Variants in YES1 observed in about 807,000 individuals in gnomAD.
YES1 encodes tyrosine-protein kinase Yes.
YES1 carries 39 observed loss-of-function variants against 70.4 expected under a neutral mutation model. The observed-to-expected ratio is 0.55, with a 90% confidence interval of 0.43 to 0.72. The LOEUF (loss-of-function observed/expected upper bound fraction) is 0.72. YES1 is among the 30% of genes least tolerant of loss of function. The probability of loss-of-function intolerance (pLI) is 0.00; values close to 1 mark genes in which losing one functional copy is unlikely to be tolerated. For synonymous variants in YES1, 198 were observed against 218.6 expected (o/e 0.91, Z 0.83); for missense variants, 495 against 644.8 (o/e 0.77, Z 2.52).
At chr18:792,869 A>T (rs188033345) in intron 1 of YES1, among the ~76,000 whole-genome samples, 19 of 150,722 alleles carry the variant, frequency 1.3e-4, no homozygotes, top group Non-Finnish European at 2.5e-4. Context: ...AAGGGGGGGG[A>T]AAAAGCTTAA....
chr18:745,933 T>C lies in YES1; in HGVS notation c.574+15A>G, dbSNP rs140732624. 0.01 allele frequency: 16,358 copies of C among 1,604,248 alleles called. 151 individuals are homozygous for C. The highest frequency in any genetic ancestry group is 0.029 in the South Asian group (2,604 of 89,704). On this transcript the variant is annotated intron_variant, in intron 5 of 11. Transcript: ENST00000314574. Reference sequence around the variant, plus strand: ...AAGAAATTTTATACTTATACTAATATAACAATATTCATACCTTTAGTTGTT... The same window carrying C: ...AAGAAATTTTATACTTATACTAATACAACAATATTCATACCTTTAGTTGTT...
In YES1 at chr18:747,902, T is replaced by C. The variant is rs774160138; in HGVS notation, c.470+18A>G. The C allele has an allele frequency of 1.2e-6, 2 of 1,606,078 alleles. No individual in the cohort carries two copies. Among genetic ancestry groups the C allele is most frequent in the South Asian group, 2.2e-5 (2 of 90,192 alleles). ...TCAAAAATCAAAATAATTAATAAAA[T>C]ATGAAGTAGTGCCATACTCTTCTGC... On this transcript the variant is annotated intron_variant, in intron 4 of 11. Transcript: ENST00000314574.
At chr18:807,925 C>T (rs187164491) in intron 1 of YES1, among the ~76,000 whole-genome samples, 10 of 152,276 alleles carry the variant, frequency 6.6e-5, no homozygotes, top group Admixed American at 6.5e-4. Flanking sequence ...TATAATGCTT[C>T]AAGGAACCTG....
At chr18:767,792 C>T (rs976914365) in intron 1 of YES1, among the ~76,000 whole-genome samples, 3 of 152,094 alleles carry the variant, frequency 2.0e-5, no homozygotes, top group Non-Finnish European at 4.4e-5. Flanking sequence ...CCTCCATCTC[C>T]TGGGTTCAAG....
At chr18:793,496 C>G (rs911045036) in intron 1 of YES1, among the ~76,000 whole-genome samples, 1 of 151,954 alleles carries the variant, frequency 6.6e-6, no homozygotes, top group African/African-American at 2.4e-5. Context: ...GCCACTACAC[C>G]CAACTAATTT....
chr18:741,631 C>T (rs373425458), intron 8 of YES1, among the ~76,000 whole-genome samples: 73 of 152,078 alleles, frequency 4.8e-4, no homozygotes, highest in African/African-American at 1.7e-3. Flanking sequence ...GGGTGAAATC[C>T]CATCTGTAGA....
intron 1 of YES1, among the ~76,000 whole-genome samples, chr18:811,223 CAA>C (rs1477467884): frequency 4.6e-5 from 7 of 152,158 alleles, no homozygotes; most frequent in Non-Finnish European, 1.0e-4. Flanking sequence ...GTGCTTCCAC[CAA>C]AGACTTTCAT....
intron 1 of YES1, among the ~76,000 whole-genome samples, chr18:774,867 A>G (rs1905301267): frequency 6.6e-6 from 1 of 152,180 alleles, no homozygotes; most frequent in South Asian, 2.1e-4. Flanking sequence ...TCAAGATCCA[A>G]TAACCTATTA....
At chr18:739,552 G>A (rs113819660) in intron 9 of YES1, 183 bp downstream of exon 9, 6 of 426,872 alleles carry the variant, frequency 1.4e-5, no homozygotes, top group South Asian at 8.3e-5. Context: ...CTTCAAGCAC[G>A]GAGCTATCAG....
rs376152211 is a variant in YES1, at chr18:749,671, C to T, written c.372-1653G>A. ...GAGATCGAGACCATCCTGGCTAACACGGTGAAACCCCGTCTCTACTAAAAA... is the reference window on the plus strand; with the variant it reads ...GAGATCGAGACCATCCTGGCTAACATGGTGAAACCCCGTCTCTACTAAAAA... On this transcript the variant is annotated intron_variant, in intron 3 of 11. Coordinates refer to ENST00000314574, the MANE Select transcript of YES1 (RefSeq NM_005433.4). 1.3e-3 allele frequency among the ~76,000 whole-genome samples: 197 copies of T among 151,660 alleles called. 1 individual carries two copies. Among genetic ancestry groups the T allele is most frequent in the African/African-American group, 4.1e-3 (171 of 41,360 alleles).
chr18:752,762 G>A (rs529657424), intron 2 of YES1, among the ~76,000 whole-genome samples: 1 of 152,072 alleles, frequency 6.6e-6, no homozygotes, highest in Non-Finnish European at 1.5e-5. Flanking sequence ...GGTCAACAGG[G>A]CGAAACCCTG....
chr18:759,714 T>G lies in YES1; in HGVS notation c.-8-2879A>C, dbSNP rs144072971. Among the ~76,000 whole-genome samples, 7 of 152,280 alleles carry G rather than the reference T, an allele frequency of 4.6e-5. No individual in the cohort carries two copies. In the South Asian group the frequency reaches 1.4e-3, roughly 32 times the overall value. The stretch of plus-strand genomic sequence containing the variant: ...GAGACAATTTATTTATTTCTTTTTT[T>G]CTTTTATTATTATTATACTCTAAGG... On this transcript the variant is annotated intron_variant, in intron 1 of 11. Transcript: ENST00000314574.
intron 1 of YES1, among the ~76,000 whole-genome samples, chr18:793,404 A>G (rs1906375465): frequency 6.6e-6 from 1 of 152,158 alleles, no homozygotes; most frequent in Non-Finnish European, 1.5e-5. Context: ...TGGCATGATC[A>G]TCGCTCACTA....
At chr18:729,619 CTTTTTTTTTTTTTT>C (rs869223956) in intron 11 of YES1, among the ~76,000 whole-genome samples, 19 of 75,434 alleles carry the variant, frequency 2.5e-4, no homozygotes, top group African/African-American at 1.1e-3. Context: ...TGATTTTGAA[CTTTTTTTTTTTTTT>C]TTTTTTTTTT....
chr18:794,926 C>T (rs1906462186), intron 1 of YES1, among the ~76,000 whole-genome samples: 1 of 152,226 alleles, frequency 6.6e-6, no homozygotes, highest in South Asian at 2.1e-4. Flanking sequence ...AGCAATTCTC[C>T]TGCCTCAGCC....
At chr18:808,014 T>C (rs1027339730) in intron 1 of YES1, among the ~76,000 whole-genome samples, 1 of 150,988 alleles carries the variant, frequency 6.6e-6, no homozygotes, top group Non-Finnish European at 1.5e-5. Flanking sequence ...GGAAAAGGAG[T>C]TGAGGCACAG....
chr18:776,127 C>T (rs1252543228), intron 1 of YES1, among the ~76,000 whole-genome samples: 10 of 152,120 alleles, frequency 6.6e-5, no homozygotes, highest in African/African-American at 2.2e-4. Flanking sequence ...GTAGCTATAG[C>T]AGTTTATACT....
intron 3 of YES1, among the ~76,000 whole-genome samples, chr18:748,842 T>C (rs1199256562): frequency 1.3e-5 from 2 of 152,082 alleles, no homozygotes; most frequent in Non-Finnish European, 2.9e-5. Flanking sequence ...AGCCAGACAA[T>C]TAACAATGAG....
intron 1 of YES1, among the ~76,000 whole-genome samples, chr18:762,306 G>A (rs1372157943): frequency 6.6e-6 from 1 of 152,122 alleles, no homozygotes; most frequent in Non-Finnish European, 1.5e-5. Flanking sequence ...GGCAACAAGA[G>A]CGAAACTCCA....
Sources: gnomAD v4.1 joint callset for allele counts (sites outside exome capture counted in the v4.1 genomes callset) on GRCh38, gnomAD v4.1.1 for gene constraint, MANE v1.5 for transcripts, NCBI Gene and HGNC (gene_info 2026-07-23, HGNC 2026-07-21) for gene names.